The following CTSF variants were observed in gnomAD, a reference collection of about 807,000 sequenced individuals.
CTSF encodes cathepsin F.
CTSF carries 65 observed loss-of-function variants against 63.5 expected under a neutral mutation model. The ratio of observed to expected loss-of-function variants is 1.02; its 90% CI spans 0.84 to 1.26. The LOEUF (loss-of-function observed/expected upper bound fraction) is 1.26, where lower values mean the gene tolerates loss of function less well. CTSF is among the 50% of genes most tolerant of loss of function. The pLI, the probability that CTSF is intolerant of heterozygous loss-of-function variation, is 0.00. For missense variants in CTSF, 641 were observed against 631.0 expected (o/e 1.02, Z -0.17); for synonymous variants, 256 against 258.1 (o/e 0.99, Z 0.08).
Position 66,565,901 on chromosome 11 carries a change from G to C in CTSF, c.894C>G (p.Phe298Leu). 6.2e-7 allele frequency: 1 copy of C among 1,614,092 alleles called. No individual in the cohort carries two copies. Among genetic ancestry groups the C allele is most frequent in the Non-Finnish European group, 8.5e-7 (1 of 1,180,028 alleles). Residue 298 changes from phenylalanine to leucine, a missense_variant, in exon 7 of 13, where the codon TTC becomes TTG. By Grantham distance (22) the Phe-to-Leu change is conservative. Transcript: ENST00000310325. ...DQGMCGSCWAFSVTGNVEGQW... is the reference protein window; with the variant it reads ...DQGMCGSCWALSVTGNVEGQW... ...GGCCCTCCACATTGCCTGTGACTGA[G>C]AAGGCCCAGCAGGAGCCACACATGC...
intron 6 of CTSF, 32 bp downstream of exon 6, chr11:66,565,990 C>T: frequency 6.2e-7 from 1 of 1,614,032 alleles, no homozygotes; most frequent in Non-Finnish European, 8.5e-7. Flanking sequence ...AGTGCAGTGC[C>T]CATGTCCCAC....
intron 1 of CTSF, 69 bp from the exon 2 acceptor site, chr11:66,568,151 C>G: frequency 6.4e-7 from 1 of 1,566,026 alleles, no homozygotes; most frequent in Non-Finnish European, 8.6e-7. Flanking sequence ...GCCCGTGCGG[C>G]GCTGCCCATT....
chr11:66,564,894 G>C lies in CTSF; in HGVS notation c.1158C>G (p.Asn386Lys). The change falls in exon 9 of 13, where the codon AAC becomes AAG. Residue 386 changes from asparagine (N) to lysine (K), a missense_variant. Physicochemically the swap from Asn to Lys is moderately conservative, Grantham distance 94. Transcript: ENST00000310325. ...ACCCTGCCCCTCACTCACTCTGCTC[G>C]TTCTGGCTCAGCTCCACGGAGTCAT... ...YINDSVELSQNEQKLAAWLAK... is the reference protein window; with the variant it reads ...YINDSVELSQKEQKLAAWLAK... 3 of 1,612,374 alleles carry C rather than the reference G, an allele frequency of 1.9e-6. No homozygotes were observed. The highest frequency in any genetic ancestry group is 2.5e-6 in the Non-Finnish European group (3 of 1,178,722).
intron 11 of CTSF, 149 bp downstream of exon 11, chr11:66,564,409 A>G: frequency 1.2e-6 from 1 of 813,644 alleles, no homozygotes. Flanking sequence ...TAGAGAGGAC[A>G]GATGATGCCC....
intron 12 of CTSF, 29 bp from the exon 13 acceptor site, chr11:66,564,036 AC>A: frequency 1.9e-6 from 3 of 1,613,802 alleles, no homozygotes; most frequent in Non-Finnish European, 2.5e-6. Flanking sequence ...TGGTGAGGGC[AC>A]CAGGGTAGGA....
In CTSF at chr11:66,566,156, G is replaced by A. The variant is rs563045234; in HGVS notation, c.733C>T (p.Arg245Cys). ...KFSDLTEEEF[R>C]TIYLNTLLRK... ...AGGAGAGTATTCAGGTAGATAGTGC[G>A]GAACTCCTCCTCTGCGGGCAAAGGT... The change falls in exon 6 of 13, where the codon CGC (arginine) becomes TGC (cysteine). Residue 245 changes from arginine to cysteine, a missense_variant. Transcript: ENST00000310325. The A allele has an allele frequency of 6.2e-6, 10 of 1,613,962 alleles. No homozygotes were observed. The highest frequency in any genetic ancestry group is 1.6e-4 in the Middle Eastern group (1 of 6,082).
Position 66,568,323 on chromosome 11 carries a change from G to C in CTSF, c.164C>G (p.Ala55Gly). 7.6e-7 allele frequency: 1 copy of C among 1,317,220 alleles called. No individual in the cohort carries two copies. Among genetic ancestry groups the C allele is most frequent in the Non-Finnish European group, 9.6e-7 (1 of 1,043,642 alleles). The allele number at this position is 1,317,220 out of a possible 1,614,324, so 81.6% of individuals were successfully genotyped here. A position where few individuals can be genotyped will look rare whatever the true frequency, so the allele number is the denominator to read the frequency against. Residue 55 changes from alanine to glycine, a missense_variant, in exon 1 of 13, where the codon GCT becomes GGT. Transcript: ENST00000310325. ...GCCCAGCACGGCCCGCGTCCCCGCA[G>C]CCCGGCCGCGGTTGAACATCTCCAG... Reference protein sequence around the residue: ...FALEMFNRGRAAGTRAVLGLV... With the variant: ...FALEMFNRGRGAGTRAVLGLV...
intron 5 of CTSF, 46 bp from the exon 6 acceptor site, chr11:66,566,213 G>A: frequency 3.1e-6 from 5 of 1,613,892 alleles, no homozygotes; most frequent in Non-Finnish European, 4.2e-6. Context: ...AGTGTTCTAA[G>A]CCAGACCTGA....
chr11:66,563,827 C>G lies in CTSF; in HGVS notation c.*106G>C, dbSNP rs780638987. The G allele has an allele frequency of 2.5e-4, 349 of 1,410,636 alleles. No individual in the cohort carries two copies. The highest frequency in any genetic ancestry group is 3.1e-4 in the Non-Finnish European group (321 of 1,027,242). The allele number at this position is 1,410,636 out of a possible 1,614,324, so 87.4% of individuals were successfully genotyped here. Reference sequence around the variant, plus strand: ...TCTGCTCACCCTGAGGTACCCAGTGCCTTTCCCTCTGCCAGCTGTACCTCC... The same window carrying G: ...TCTGCTCACCCTGAGGTACCCAGTGGCTTTCCCTCTGCCAGCTGTACCTCC... On this transcript the variant is annotated 3_prime_UTR_variant, in exon 13 of 13. Coordinates refer to ENST00000310325, the MANE Select transcript of CTSF (RefSeq NM_003793.4).
Position 66,566,010 on chromosome 11 carries a change from C to T in CTSF, c.867+12G>A. On this transcript the variant is annotated intron_variant, in intron 6 of 12. Coordinates refer to ENST00000310325, the MANE Select transcript of CTSF (RefSeq NM_003793.4). Reference sequence around the variant, plus strand: ...AGTGCCCATGTCCCACCCTCACTTCCAGGGGTCCAACCTGGTCTTTGACTT... The same window carrying T: ...AGTGCCCATGTCCCACCCTCACTTCTAGGGGTCCAACCTGGTCTTTGACTT... 1 of 1,614,136 alleles carries T rather than the reference C, an allele frequency of 6.2e-7. No individual in the cohort carries two copies. The highest frequency in any genetic ancestry group is 8.5e-7 in the Non-Finnish European group (1 of 1,179,996).
rs1434390116 is a variant in CTSF at position 66,565,009 on chromosome 11, G to A, written c.1046-3C>T. 1 of 1,552,618 alleles carries A rather than the reference G, an allele frequency of 6.4e-7. No individual in the cohort carries two copies. Among genetic ancestry groups the A allele is most frequent in the Non-Finnish European group, 8.7e-7 (1 of 1,146,334 alleles). ...GTCATCCTCTGTCTCCAGCCCTCCTGGGGAACGGTGGGGGTGAGTAGAGAA... is the reference window on the plus strand; with the variant it reads ...GTCATCCTCTGTCTCCAGCCCTCCTAGGGAACGGTGGGGGTGAGTAGAGAA... On this transcript the variant is annotated splice_region_variant and splice_polypyrimidine_tract_variant and intron_variant, in intron 8 of 12. Transcript: ENST00000310325.
At chr11:66,566,236 C>T (rs561399021) in intron 5 of CTSF, 55 bp downstream of exon 5, 20 of 1,613,502 alleles carry the variant, frequency 1.2e-5, no homozygotes, top group Non-Finnish European at 1.5e-5. Context: ...AGAGGCCTTG[C>T]GAGCAAGGTC....
rs749783276 is a variant in CTSF, at chr11:66,565,655, C to A, written c.1045+16G>T. 2 of 1,613,062 alleles carry A rather than the reference C, an allele frequency of 1.2e-6. No homozygotes were observed. Among genetic ancestry groups the A allele is most frequent in the Non-Finnish European group, 1.7e-6 (2 of 1,180,026 alleles). On this transcript the variant is annotated intron_variant, in intron 8 of 12. Transcript: ENST00000310325. ...AAGTGGCTCCGGTTGCCCCTCCTGA[C>A]CCCATTAATGCATACCCAAATTCTT...
Position 66,566,133 on chromosome 11 carries a change from G to C in CTSF, c.756C>G (p.Leu252=), listed in dbSNP as rs1345908728. The C allele has an allele frequency of 1.2e-6, 2 of 1,614,138 alleles. No homozygotes were observed. The highest frequency in any genetic ancestry group is 2.2e-5 in the South Asian group (2 of 91,086). ...TCTTGTTGCCAGGCTCTTTCCTCAG[G>C]AGAGTATTCAGGTAGATAGTGCGGA... ...EEFRTIYLNT[L]LRKEPGNKMK... is the part of the protein sequence containing the mutation. The change falls in exon 6 of 13, where the codon CTC becomes CTG. Residue 252 remains leucine (L), a synonymous_variant. Coordinates refer to ENST00000310325, the MANE Select transcript of CTSF (RefSeq NM_003793.4).
At chr11:66,565,566 A>G in intron 8 of CTSF, 105 bp downstream of exon 8, 6 of 1,499,482 alleles carry the variant, frequency 4.0e-6, no homozygotes, top group Non-Finnish European at 5.5e-6. Flanking sequence ...ACCTGGACCC[A>G]GTTCTGTGTA....
chr11:66,567,604 C>G lies in CTSF; in HGVS notation c.371G>C (p.Cys124Ser). ...LGRHVLLRKD[C>S]GPVDTKVPGA... Reference sequence around the variant, plus strand: ...TGGAACCTTGGTGTCCACTGGGCCACAGTCCTTCCGCAGCAGCACGTGTCT... The same window carrying G: ...TGGAACCTTGGTGTCCACTGGGCCAGAGTCCTTCCGCAGCAGCACGTGTCT... Residue 124 changes from cysteine to serine, a missense_variant, in exon 3 of 13, where the codon TGT becomes TCT. Coordinates refer to ENST00000310325, the MANE Select transcript of CTSF (RefSeq NM_003793.4). 1 of 1,614,232 alleles carries G rather than the reference C, an allele frequency of 6.2e-7. No individual in the cohort carries two copies. Among genetic ancestry groups the G allele is most frequent in the Non-Finnish European group, 8.5e-7 (1 of 1,180,040 alleles).
At chr11:66,565,807 A>G (rs1565312428) in intron 7 of CTSF, 24 bp downstream of exon 7, 4 of 1,613,938 alleles carry the variant, frequency 2.5e-6, no homozygotes, top group Non-Finnish European at 3.4e-6. Flanking sequence ...GGCTGGGGAC[A>G]GAGGAGTAGA....
chr11:66,568,285 G>C lies in CTSF; in HGVS notation c.202C>G (p.Arg68Gly). 4.0e-6 allele frequency: 6 copies of C among 1,494,388 alleles called. No individual in the cohort carries two copies. The highest frequency in any genetic ancestry group is 5.3e-6 in the Non-Finnish European group (6 of 1,128,940). 92.6% of individuals were successfully genotyped at this position (1,494,388 alleles called of 1,614,324 possible). ...CGGCGCGTCCTCACCCGGCGGACGC[G>C]GCCGCGCACAAGGCCCAGCACGGCC... ...TRAVLGLVRGRVRRAGQGSLY... is the reference protein window; with the variant it reads ...TRAVLGLVRGGVRRAGQGSLY... The change falls in exon 1 of 13, where the codon CGC becomes GGC. Residue 68 changes from arginine to glycine, a missense_variant. Transcript: ENST00000310325.
chr11:66,566,108 T>C lies in CTSF; in HGVS notation c.781A>G (p.Met261Val), dbSNP rs371200527. The C allele has an allele frequency of 7.4e-6, 12 of 1,614,034 alleles. No homozygotes were observed. In the African/African-American group the frequency reaches 1.6e-4, roughly 22 times the overall value. The change falls in exon 6 of 13, where the codon ATG becomes GTG. Residue 261 changes from methionine to valine, a missense_variant. Met to Val is a conservative substitution (Grantham distance 21). Transcript: ENST00000310325. ...TLLRKEPGNK[M>V]KQAKSVGDLA... ...TCACCCACAGACTTGGCTTGCTTCA[T>C]CTTGTTGCCAGGCTCTTTCCTCAGG...
Sources: gnomAD v4.1 joint callset for allele counts on GRCh38, gnomAD v4.1.1 for gene constraint, MANE v1.5 for transcripts, NCBI Gene and HGNC (gene_info 2026-07-23, HGNC 2026-07-21) for gene names.